The following DIP2C variants were observed in gnomAD, a reference collection of about 807,000 sequenced individuals.
The protein encoded by DIP2C is disco-interacting protein 2 homolog C.
Under a neutral mutation model 192.4 loss-of-function variants are expected in DIP2C, and 33 were observed. That is an observed-to-expected ratio of 0.17 (90% CI 0.13 to 0.23). DIP2C has a LOEUF of 0.23. Ranked by LOEUF, DIP2C falls within the 10% of genes least tolerant of loss-of-function variation. DIP2C has a pLI of 1.00. For missense variants in DIP2C, 1,537 were observed against 2,110.1 expected (o/e 0.73, Z 5.32); for synonymous variants, 979 against 864.1 (o/e 1.13, Z -2.33).
At chr10:530,070 G>A (rs185374689) in intron 1 of DIP2C, among the ~76,000 whole-genome samples, 75 of 152,334 alleles carry the variant, frequency 4.9e-4, no homozygotes, top group African/African-American at 1.8e-3. Flanking sequence ...TGCACACGAT[G>A]CCGAGTCTCC....
At chr10:674,117 T>C (rs915783361) in intron 1 of DIP2C, among the ~76,000 whole-genome samples, 2 of 152,176 alleles carry the variant, frequency 1.3e-5, no homozygotes, top group African/African-American at 4.8e-5. Flanking sequence ...GACTGTGATA[T>C]CAGTAGCAAA....
intron 1 of DIP2C, chr10:650,728 C>G: frequency 1.6e-6 from 1 of 634,380 alleles, no homozygotes; most frequent in East Asian, 2.7e-5. Flanking sequence ...TCTGGGCCGA[C>G]CCCCCCTCAT....
intron 1 of DIP2C, among the ~76,000 whole-genome samples, chr10:581,075 C>T (rs1214224752): frequency 6.6e-6 from 1 of 152,126 alleles, no homozygotes; most frequent in Non-Finnish European, 1.5e-5. Flanking sequence ...AACACCAAGC[C>T]CTTCAGGGTC....
At chr10:414,900 ATATATATT>A (rs1564680527) in intron 7 of DIP2C, among the ~76,000 whole-genome samples, 5 of 104,038 alleles carry the variant, frequency 4.8e-5, no homozygotes, top group African/African-American at 1.8e-4. Context: ...GTATATATAT[ATATATATT>A]TTTTTTTTTT....
rs1589376181 is a variant in DIP2C at position 281,265 on chromosome 10, G to A, written c.4353C>T (p.Gly1451=). 2.5e-6 allele frequency: 4 copies of A among 1,614,098 alleles called. No homozygotes were observed. Among genetic ancestry groups the A allele is most frequent in the Non-Finnish European group, 3.4e-6 (4 of 1,180,052 alleles). The change falls in exon 36 of 37, where the codon GGC becomes GGT. Residue 1451 remains glycine, a synonymous_variant. Coordinates refer to ENST00000280886, the MANE Select transcript of DIP2C (RefSeq NM_014974.3). ...GALDEAMELR[G]MRYHPIDIET... ...CAATGTCGATTGGGTGGTACCGCATGCCCCGCAGCTCCATGGCTTCGTCCA... is the reference window on the plus strand; with the variant it reads ...CAATGTCGATTGGGTGGTACCGCATACCCCGCAGCTCCATGGCTTCGTCCA...
chr10:342,607 T>C (rs1223691220), intron 28 of DIP2C, among the ~76,000 whole-genome samples: 1 of 152,230 alleles, frequency 6.6e-6, no homozygotes, highest in African/African-American at 2.4e-5. Flanking sequence ...CAAGACCTGC[T>C]GGGTGGCTCA....
At chr10:668,482 ACATT>A (rs376937335) in intron 1 of DIP2C, 1 of 151,424 alleles carries the variant, frequency 6.6e-6, no homozygotes, top group African/African-American at 2.5e-5. Flanking sequence ...CATACAACAC[ACATT>A]CATACAACAC....
At chr10:625,468 C>T (rs908505377) in intron 1 of DIP2C, among the ~76,000 whole-genome samples, 3 of 152,306 alleles carry the variant, frequency 2.0e-5, no homozygotes, top group African/African-American at 7.2e-5. Context: ...TGAAAGGCCG[C>T]GAAGAGGCCG....
chr10:408,850 T>C (rs1231647919), intron 9 of DIP2C, 76 bp downstream of exon 9: 1 of 1,446,944 alleles, frequency 6.9e-7, no homozygotes, highest in East Asian at 2.3e-5. Context: ...CTGAACTCTG[T>C]AATGTTTAAA....
intron 11 of DIP2C, 127 bp from the exon 12 acceptor site, chr10:390,500 C>T: frequency 9.1e-7 from 1 of 1,099,652 alleles, no homozygotes; most frequent in Admixed American, 2.1e-5. Context: ...CTCCGGACTT[C>T]ACGAGATCTA....
At chr10:686,955 G>A (rs1831361723) in intron 1 of DIP2C, among the ~76,000 whole-genome samples, 1 of 152,266 alleles carries the variant, frequency 6.6e-6, no homozygotes, top group Non-Finnish European at 1.5e-5. Flanking sequence ...TCTATGTTAT[G>A]TGCTTAAAAC....
At chr10:373,160 G>A (rs1456476443) in intron 17 of DIP2C, among the ~76,000 whole-genome samples, 7 of 152,210 alleles carry the variant, frequency 4.6e-5, no homozygotes, top group South Asian at 2.1e-4. Context: ...GCCCCTCCCT[G>A]GTCTTTGCCT....
At position 283,364 on chromosome 10, in the gene DIP2C, G is replaced by C; in HGVS notation, c.4202C>G (p.Ser1401Ter). Residue 1401 changes from serine to a stop codon, truncating the protein, a stop_gained, in exon 35 of 37, where the codon TCA becomes TGA. Transcript: ENST00000280886. LOFTEE classifies it high-confidence loss of function. ...CTGGGTGTCTCCAAAACTTAGTCTT[G>C]AGTTGAAGTGATCTGACTGGAGGGA... is the stretch of plus-strand genomic sequence containing the variant. ...DESLQSDHFN[S>*]RLSFGDTQTI... is the part of the protein sequence containing the mutation. 6.2e-7 allele frequency: 1 copy of C among 1,614,164 alleles called. No individual in the cohort carries two copies. Among genetic ancestry groups the C allele is most frequent in the Non-Finnish European group, 8.5e-7 (1 of 1,180,034 alleles).
At chr10:393,904 G>A (rs902341191) in intron 10 of DIP2C, among the ~76,000 whole-genome samples, 2 of 150,928 alleles carry the variant, frequency 1.3e-5, no homozygotes, top group Non-Finnish European at 1.5e-5. Flanking sequence ...ATCAAAAAGA[G>A]GAAAAATACC....
At chr10:602,691 A>T (rs1283636800) in intron 1 of DIP2C, among the ~76,000 whole-genome samples, 1 of 152,186 alleles carries the variant, frequency 6.6e-6, no homozygotes, top group Admixed American at 6.5e-5. Context: ...GTCATGTTAC[A>T]ACATTAGCCA....
chr10:411,023 G>A lies in DIP2C; in HGVS notation c.1058-2006C>T, dbSNP rs190721926. Among the ~76,000 whole-genome samples the A allele has an allele frequency of 2.7e-4, 41 of 152,330 alleles. 1 individual carries two copies. Among genetic ancestry groups the A allele is most frequent in the Admixed American group, 2.3e-3 (35 of 15,302 alleles). On this transcript the variant is annotated intron_variant, in intron 8 of 36. Coordinates refer to ENST00000280886, the MANE Select transcript of DIP2C (RefSeq NM_014974.3). ...GAGTGTAACTGGTGAGGGGAGAGGCGGTGGGTGGCGAAGGGCTGAACCGGA... is the reference window on the plus strand; with the variant it reads ...GAGTGTAACTGGTGAGGGGAGAGGCAGTGGGTGGCGAAGGGCTGAACCGGA...
chr10:559,263 C>T (rs753725154), intron 1 of DIP2C, among the ~76,000 whole-genome samples: 3 of 151,238 alleles, frequency 2.0e-5, no homozygotes, highest in Non-Finnish European at 2.9e-5. Context: ...ACAGACCCCA[C>T]GACGAGGGTC....
chr10:530,877 G>A (rs542165401), intron 1 of DIP2C, among the ~76,000 whole-genome samples: 1 of 152,202 alleles, frequency 6.6e-6, no homozygotes, highest in East Asian at 1.9e-4. Context: ...CCAGCATGAA[G>A]TCTCCTCCAC....
At chr10:640,405 A>G (rs1855104962) in intron 1 of DIP2C, among the ~76,000 whole-genome samples, 1 of 152,214 alleles carries the variant, frequency 6.6e-6, no homozygotes, top group East Asian at 1.9e-4. Flanking sequence ...TTCAACCCGA[A>G]GGGTGGGTCG....
Sources: gnomAD v4.1 joint callset for allele counts (sites outside exome capture counted in the v4.1 genomes callset) on GRCh38, gnomAD v4.1.1 for gene constraint, MANE v1.5 for transcripts, NCBI Gene and HGNC (gene_info 2026-07-23, HGNC 2026-07-21) for gene names.